Variants in ACOXL observed in about 807,000 individuals in gnomAD.
The protein encoded by ACOXL is acyl-CoA oxidase like.
ACOXL carries 70 observed loss-of-function variants against 71.9 expected under a neutral mutation model. The observed-to-expected ratio is 0.97, with a 90% confidence interval of 0.80 to 1.19. ACOXL has a LOEUF of 1.19. Among genes scored for constraint, ACOXL ranks in the 50% most tolerant of loss-of-function variants. The pLI, the probability that ACOXL is intolerant of heterozygous loss-of-function variation, is 0.00. For missense variants in ACOXL, 703 were observed against 736.3 expected, an observed-to-expected ratio of 0.95 and a Z score of 0.52; for synonymous variants, 253 against 281.6, an observed-to-expected ratio of 0.90 and a Z score of 1.02.
At chr2:110,763,359 A>G (rs991972488) in intron 1 of ACOXL, among the ~76,000 whole-genome samples, 4 of 152,252 alleles carry the variant, frequency 2.6e-5, no homozygotes, top group Admixed American at 2.6e-4. Flanking sequence ...GAAACAGAAT[A>G]GAAAGTCCAG....
chr2:110,794,940 C>T (rs1685106361), intron 5 of ACOXL, among the ~76,000 whole-genome samples: 1 of 151,388 alleles, frequency 6.6e-6, no homozygotes, highest in Non-Finnish European at 1.5e-5. Flanking sequence ...CCTACACGCA[C>T]CCCGCCCCCG....
intron 9 of ACOXL, among the ~76,000 whole-genome samples, chr2:110,808,862 C>T (rs1196408999): frequency 6.6e-6 from 1 of 152,244 alleles, no homozygotes; most frequent in Admixed American, 6.5e-5. Context: ...CTGTCTCCTT[C>T]ACTAGCCTAA....
At chr2:110,912,781 G>A (rs763553343) in intron 11 of ACOXL, among the ~76,000 whole-genome samples, 38 of 152,182 alleles carry the variant, frequency 2.5e-4, no homozygotes, top group South Asian at 8.3e-4. Context: ...AAGATTTTTT[G>A]TGCTTAAAAA....
chr2:111,114,784 T>C (rs139546469), intron 17 of ACOXL, among the ~76,000 whole-genome samples: 23 of 151,906 alleles, frequency 1.5e-4, no homozygotes, highest in Non-Finnish European at 2.9e-4. Flanking sequence ...AAGGAAACTG[T>C]AGGGAGAGTC....
chr2:110,811,727 G>GCTTACA lies in ACOXL; in HGVS notation c.753+6333_753+6334insTTACAC, dbSNP rs1553548074. On this transcript the variant is annotated intron_variant, in intron 9 of 17. Coordinates refer to ENST00000439055, the MANE Select transcript of ACOXL (RefSeq NM_001142807.4). Reference sequence around the variant, plus strand: ...TGACGTTATCCTTTTTGTTTTTTTTGCATACACACACACACACACACACAC... The same window carrying GCTTACA: ...TGACGTTATCCTTTTTGTTTTTTTTGCTTACACATACACACACACACACACACACAC... Among the ~76,000 whole-genome samples, 10 of 29,296 alleles carry GCTTACA rather than the reference G, an allele frequency of 3.4e-4. No homozygotes were observed. The Admixed American group carries it at 3.6e-3, about 10-fold the overall frequency. The allele number at this position is 29,296 out of a possible 152,430, so 19.2% of individuals were successfully genotyped here.
intron 12 of ACOXL, among the ~76,000 whole-genome samples, chr2:110,969,127 G>A (rs1475343621): frequency 3.3e-5 from 5 of 152,118 alleles, no homozygotes; most frequent in Non-Finnish European, 5.9e-5. Context: ...AAATGAGTGA[G>A]CATGAACACA....
chr2:111,117,882 G>C lies in ACOXL; in HGVS notation c.*66G>C. On this transcript the variant is annotated 3_prime_UTR_variant, in exon 18 of 18. Transcript: ENST00000439055. ...ACGACGCTCGCTCCACCGACGCCCAGAGCTGTGGCCGAGGCCGGGGGCTGG... is the reference window on the plus strand; with the variant it reads ...ACGACGCTCGCTCCACCGACGCCCACAGCTGTGGCCGAGGCCGGGGGCTGG... 10 of 1,494,824 alleles carry C rather than the reference G, an allele frequency of 6.7e-6. No individual in the cohort carries two copies. Among genetic ancestry groups the C allele is most frequent in the Non-Finnish European group, 1.8e-6 (2 of 1,120,242 alleles). The allele number at this position is 1,494,824 out of a possible 1,614,324, so 92.6% of individuals were successfully genotyped here.
Position 110,944,047 on chromosome 2 carries a change from TTTTA to T in ACOXL, c.1059+10409_1059+10412del, listed in dbSNP as rs1385103058. Reference sequence around the variant, plus strand: ...GTGCTAAAAAATGGCAGAGCCATACTTTTATTTTTTTATTTTTATTTTTATTTTT... The same window carrying T: ...GTGCTAAAAAATGGCAGAGCCATACTTTTTTTTATTTTTATTTTTATTTTT... On this transcript the variant is annotated intron_variant, in intron 12 of 17. Coordinates refer to ENST00000439055, the MANE Select transcript of ACOXL (RefSeq NM_001142807.4). Among the ~76,000 whole-genome samples the T allele has an allele frequency of 3.3e-5, 5 of 152,276 alleles. No individual in the cohort carries two copies. In the East Asian group the frequency reaches 9.6e-4, roughly 29 times the overall value.
intron 7 of ACOXL, 75 bp downstream of exon 7, chr2:110,799,175 C>T (rs1573569354): frequency 2.1e-6 from 3 of 1,423,360 alleles, no homozygotes; most frequent in East Asian, 4.6e-5. Context: ...AGAATCTAAC[C>T]TACGTTATAT....
chr2:110,992,953 C>T (rs1312699549), intron 13 of ACOXL, among the ~76,000 whole-genome samples: 1 of 152,180 alleles, frequency 6.6e-6, no homozygotes, highest in African/African-American at 2.4e-5. Context: ...CATTTATGTA[C>T]AAACCATGGA....
At chr2:110,940,625 T>C (rs1313990962) in intron 12 of ACOXL, among the ~76,000 whole-genome samples, 1 of 152,218 alleles carries the variant, frequency 6.6e-6, no homozygotes, top group East Asian at 1.9e-4. Context: ...TGAGAATTCA[T>C]GGTCCCAGCA....
At chr2:110,851,215 A>T (rs1329203056) in intron 10 of ACOXL, among the ~76,000 whole-genome samples, 1 of 152,314 alleles carries the variant, frequency 6.6e-6, no homozygotes, top group African/African-American at 2.4e-5. Flanking sequence ...TCCAAAATTC[A>T]TAGTACTGTG....
At chr2:111,098,395 T>C (rs1243614726) in intron 17 of ACOXL, 1 of 152,218 alleles carries the variant, frequency 6.6e-6, no homozygotes. Flanking sequence ...AAAGTTATCC[T>C]GGGCCTCATG....
intron 17 of ACOXL, among the ~76,000 whole-genome samples, chr2:111,117,346 G>T (rs999132101): frequency 6.6e-6 from 1 of 152,202 alleles, no homozygotes; most frequent in African/African-American, 2.4e-5. Flanking sequence ...CTAATTTGGG[G>T]GCAAAGCCGA....
At chr2:110,829,141 G>A (rs1276387898) in intron 9 of ACOXL, among the ~76,000 whole-genome samples, 3 of 152,168 alleles carry the variant, frequency 2.0e-5, no homozygotes, top group Non-Finnish European at 4.4e-5. Context: ...TGTTTTGGGG[G>A]CTTTGGATGA....
intron 14 of ACOXL, among the ~76,000 whole-genome samples, chr2:111,010,350 C>T (rs2064089815): frequency 6.6e-6 from 1 of 152,058 alleles, no homozygotes; most frequent in Non-Finnish European, 1.5e-5. Context: ...ATTAACAACA[C>T]ACTGGGCAAA....
intron 15 of ACOXL, among the ~76,000 whole-genome samples, chr2:111,033,766 T>G (rs987659667): frequency 6.6e-6 from 1 of 152,108 alleles, no homozygotes; most frequent in Non-Finnish European, 1.5e-5. Context: ...TCATTCACTG[T>G]AGGTAGACTT....
intron 2 of ACOXL, among the ~76,000 whole-genome samples, chr2:110,782,133 G>T (rs370655116): frequency 2.6e-5 from 4 of 152,110 alleles, no homozygotes; most frequent in Non-Finnish European, 5.9e-5. Context: ...ATGCTACTAC[G>T]GAGATTGAAT....
At chr2:110,932,817 A>C (rs1205185371) in intron 11 of ACOXL, among the ~76,000 whole-genome samples, 1 of 152,176 alleles carries the variant, frequency 6.6e-6, no homozygotes, top group Admixed American at 6.5e-5. Flanking sequence ...AAGAAAAGTT[A>C]ACTTGGACAG....
Sources: allele counts gnomAD v4.1 joint callset (sites outside exome capture counted in the v4.1 genomes callset), GRCh38; gene constraint gnomAD v4.1.1; transcripts MANE v1.5; gene names NCBI Gene and HGNC (gene_info 2026-07-23, HGNC 2026-07-21).